ANKRD30B: variants seen among roughly 807,000 people sequenced by gnomAD.
The protein encoded by ANKRD30B is ankyrin repeat domain 30B, also known as ankyrin repeat domain-containing protein 30B.
Under a neutral mutation model 202.2 loss-of-function variants are expected in ANKRD30B, and 144 were observed. The ratio of observed to expected loss-of-function variants is 0.71; its 90% CI spans 0.62 to 0.82. The LOEUF is 0.82. ANKRD30B is among the 40% of genes least tolerant of loss of function. ANKRD30B has a pLI of 0.00. For synonymous variants in ANKRD30B, 508 were observed against 561.3 expected (o/e 0.91, Z 1.34); for missense variants, 1,487 against 1,669.1 (o/e 0.89, Z 1.90).
intron 32 of ANKRD30B, among the ~76,000 whole-genome samples, chr18:14,823,473 T>C (rs1970535238): frequency 6.6e-6 from 1 of 151,802 alleles, no homozygotes; most frequent in Admixed American, 6.6e-5. Context: ...TTCTTGTTTT[T>C]CTGATTAGGT....
In ANKRD30B at chr18:14,807,401, T is replaced by G. The variant is rs1460239246; in HGVS notation, c.2285-1150T>G. ...ATTAGTTTTAGCAAAGCAAAGCAATTGTAGAATTCATTCCTTGAACAATAA... is the reference window on the plus strand; with the variant it reads ...ATTAGTTTTAGCAAAGCAAAGCAATGGTAGAATTCATTCCTTGAACAATAA... On this transcript the variant is annotated intron_variant, in intron 24 of 43. Coordinates refer to ENST00000690538, the MANE Select transcript of ANKRD30B (RefSeq NM_001367607.2). 2.7e-5 allele frequency among the ~76,000 whole-genome samples: 4 copies of G among 150,634 alleles called. 1 individual carries two copies. Among genetic ancestry groups the G allele is most frequent in the Non-Finnish European group, 5.9e-5 (4 of 67,694 alleles).
At chr18:14,786,902 C>T (rs1968117079) in intron 14 of ANKRD30B, 137 bp from the exon 15 acceptor site, 1 of 771,456 alleles carries the variant, frequency 1.3e-6, no homozygotes, top group Non-Finnish European at 2.0e-6. Context: ...GAAGTAGTCA[C>T]TGTAATCAAC....
At chr18:14,820,478 A>G (rs951232696) in intron 30 of ANKRD30B, among the ~76,000 whole-genome samples, 1 of 152,170 alleles carries the variant, frequency 6.6e-6, no homozygotes, top group Non-Finnish European at 1.5e-5. Context: ...TTGCCCATTC[A>G]GTATGATATT....
chr18:14,748,574 A>G lies in ANKRD30B; in HGVS notation c.155A>G (p.Gln52Arg). ...ACAGCTGCCTCCCGGGGCCAAGTCC[A>G]GAAGCTGGAGAAGATGACAGTAGGG... The part of the protein sequence containing the change: ...IHTAASRGQV[Q>R]KLEKMTVGKK... Residue 52 changes from glutamine to arginine, a missense_variant, in exon 1 of 44, where the codon CAG becomes CGG. Transcript: ENST00000690538. 1 of 1,563,118 alleles carries G rather than the reference A, an allele frequency of 6.4e-7. No individual in the cohort carries two copies. The highest frequency in any genetic ancestry group is 8.7e-7 in the Non-Finnish European group (1 of 1,153,404).
At chr18:14,843,316 C>T (rs1290788733) in intron 39 of ANKRD30B, among the ~76,000 whole-genome samples, 3 of 152,100 alleles carry the variant, frequency 2.0e-5, no homozygotes, top group Non-Finnish European at 4.4e-5. Context: ...TCCACTTTCA[C>T]GTCCTCATAC....
chr18:14,855,742 G>A (rs1392170337), downstream of ANKRD30B, among the ~76,000 whole-genome samples: 2 of 148,082 alleles, frequency 1.4e-5, no homozygotes, highest in Non-Finnish European at 3.0e-5. Flanking sequence ...CCTACCAAGG[G>A]GGGCAGCCAG....
Position 14,814,617 on chromosome 18 carries a change from A to T in ANKRD30B, c.2551-4A>T. Reference sequence around the variant, plus strand: ...AAATTATTTATTGATATTACTTTTAACAGAGTTTCCTTGAGGCTCTCTTAC... The same window carrying T: ...AAATTATTTATTGATATTACTTTTATCAGAGTTTCCTTGAGGCTCTCTTAC... On this transcript the variant is annotated splice_polypyrimidine_tract_variant and splice_region_variant and intron_variant, in intron 29 of 43. Transcript: ENST00000690538. The T allele has an allele frequency of 8.0e-7, 1 of 1,243,668 alleles. No homozygotes were observed. The highest frequency in any genetic ancestry group is 1.1e-6 in the Non-Finnish European group (1 of 889,432). The allele number at this position is 1,243,668 out of a possible 1,614,324, so 77.0% of individuals were successfully genotyped here.
In ANKRD30B at chr18:14,757,827, G is replaced by C; in HGVS notation, c.630G>C (p.Met210Ile). The C allele has an allele frequency of 1.2e-6, 2 of 1,613,300 alleles. No homozygotes were observed. Among genetic ancestry groups the C allele is most frequent in the Non-Finnish European group, 1.7e-6 (2 of 1,179,758 alleles). Residue 210 changes from methionine (M) to isoleucine (I), a missense_variant, in exon 5 of 44, where the codon ATG becomes ATC. By Grantham distance (10) the Met-to-Ile change is conservative. This residue lies in a region of ANKRD30B where 889 missense variants were observed against 841.4 expected (regional missense o/e 1.06). Transcript: ENST00000690538. ...AFNESKCTAL[M>I]LAICEGSSEI... ...TTTGTTATTTTAGCACAGCCCTCAT[G>C]CTTGCCATATGTGAAGGCTCATCAG...
the ANKRD30B span, among the ~76,000 whole-genome samples, chr18:14,875,706 G>C: frequency 6.6e-6 from 1 of 152,172 alleles, no homozygotes; most frequent in African/African-American, 2.4e-5. Context: ...GTATGACCTT[G>C]TTGGTTCGTT....
In ANKRD30B at chr18:14,850,347, A is replaced by G. The variant is rs773032442; in HGVS notation, c.3529A>G (p.Ile1177Val). The change falls in exon 41 of 44, where the codon ATA (isoleucine) becomes GTA (valine). Residue 1177 changes from isoleucine to valine, a missense_variant. Ile to Val is a conservative substitution (Grantham distance 29). Transcript: ENST00000690538. ...TGAACAGACTCTCAGAATACAAGAT[A>G]TAGAATTGAAAAGTGTAACAAGTAA... The part of the protein sequence containing the change: ...QLEQTLRIQD[I>V]ELKSVTSNLN... The G allele has an allele frequency of 1.0e-5, 16 of 1,571,466 alleles. 1 individual carries two copies. In the South Asian group the frequency reaches 1.7e-4, roughly 17 times the overall value.
chr18:14,899,818 T>A, the ANKRD30B span, among the ~76,000 whole-genome samples: 148,026 of 152,236 alleles, frequency 0.97, 72,116 homozygotes, highest in Middle Eastern at 1. Context: ...ATTTAACTCA[T>A]TGTTCTTTAT....
Position 14,752,920 on chromosome 18 carries a change from A to C in ANKRD30B, c.418A>C (p.Asn140His). The change falls in exon 3 of 44, where the codon AAC becomes CAC. Residue 140 changes from asparagine to histidine, a missense_variant. Coordinates refer to ENST00000690538, the MANE Select transcript of ANKRD30B (RefSeq NM_001367607.2). ...ADLNYVDVYG[N>H]TALHYAVYSE... ...TCTAAATTATGTAGATGTGTATGGC[A>C]ACACGGCTCTCCATTATGCCGTTTA... The C allele has an allele frequency of 6.2e-7, 1 of 1,605,130 alleles. No homozygotes were observed. Among genetic ancestry groups the C allele is most frequent in the Non-Finnish European group, 8.5e-7 (1 of 1,175,150 alleles).
intron 20 of ANKRD30B, among the ~76,000 whole-genome samples, chr18:14,798,361 A>T (rs1969066770): frequency 6.6e-6 from 1 of 152,148 alleles, no homozygotes; most frequent in Admixed American, 6.5e-5. Flanking sequence ...TACAGTACAC[A>T]GGGATAAGAA....
intron 3 of ANKRD30B, among the ~76,000 whole-genome samples, chr18:14,754,180 T>A (rs1913954454): frequency 6.6e-6 from 1 of 152,152 alleles, no homozygotes; most frequent in African/African-American, 2.4e-5. Flanking sequence ...AGTGACCCAT[T>A]TAGAGCAGGA....
Position 14,748,506 on chromosome 18 carries a change from G to A in ANKRD30B, c.87G>A (p.Lys29=). Residue 29 remains lysine (K), a synonymous_variant, in exon 1 of 44, where the codon AAG becomes AAA. Coordinates refer to ENST00000690538, the MANE Select transcript of ANKRD30B (RefSeq NM_001367607.2). The part of the protein sequence containing the change: ...NPFSERVYTE[K]DYGTIYFGDL... ...TCAGCGAACGGGTCTACACTGAGAA[G>A]GACTACGGGACCATCTACTTCGGGG... The A allele has an allele frequency of 1.3e-6, 2 of 1,551,826 alleles. No homozygotes were observed. The highest frequency in any genetic ancestry group is 1.7e-6 in the Non-Finnish European group (2 of 1,147,040).
chr18:14,895,004 C>T, the ANKRD30B span, among the ~76,000 whole-genome samples: 4 of 151,974 alleles, frequency 2.6e-5, no homozygotes, highest in Admixed American at 6.6e-5. Context: ...TGGATGCAGC[C>T]GGAGGCCATT....
the ANKRD30B span, among the ~76,000 whole-genome samples, chr18:14,862,466 A>G: frequency 2.0e-5 from 3 of 152,250 alleles, no homozygotes; most frequent in African/African-American, 7.2e-5. Context: ...GACATAAAAA[A>G]AGATCCTCAG....
At chr18:14,795,154 A>T (rs1968789552) in intron 16 of ANKRD30B, among the ~76,000 whole-genome samples, 1 of 152,246 alleles carries the variant, frequency 6.6e-6, no homozygotes, top group Admixed American at 6.5e-5. Context: ...ATATGTAAAA[A>T]GTCTCTGGAA....
At chr18:14,767,495 C>T (rs1312862893) in intron 7 of ANKRD30B, among the ~76,000 whole-genome samples, 2 of 152,182 alleles carry the variant, frequency 1.3e-5, no homozygotes, top group East Asian at 1.9e-4. Flanking sequence ...ATTGTACTCA[C>T]CCTTCTTTTT....
Sources: allele counts gnomAD v4.1 joint callset (sites outside exome capture counted in the v4.1 genomes callset), GRCh38; gene constraint gnomAD v4.1.1; regional missense constraint gnomAD v4.1.1; transcripts MANE v1.5; gene names NCBI Gene and HGNC (gene_info 2026-07-23, HGNC 2026-07-21).